Variants in RAB38 observed in about 807,000 individuals in gnomAD.
RAB38 encodes RAB38, member RAS oncogene family.
A neutral mutation model predicts 18.4 loss-of-function variants in RAB38; 15 were observed. That is an observed-to-expected ratio of 0.82 (90% CI 0.55 to 1.26). The LOEUF is 1.26. Among genes scored for constraint, RAB38 ranks in the 50% most tolerant of loss-of-function variants. The probability of loss-of-function intolerance (pLI) is 0.00; values close to 1 mark genes in which losing one functional copy is unlikely to be tolerated. For synonymous variants in RAB38, 101 were observed against 104.4 expected, an observed-to-expected ratio of 0.97 and a Z score of 0.20; for missense variants, 294 against 267.4, an observed-to-expected ratio of 1.10 and a Z score of -0.69.
the RAB38 span, among the ~76,000 whole-genome samples, chr11:87,962,508 C>T: frequency 6.6e-6 from 1 of 151,454 alleles, no homozygotes; most frequent in African/African-American, 2.4e-5. Flanking sequence ...GGGCAGGGGG[C>T]AGGGGGGAAG....
chr11:87,925,506 A>T, the RAB38 span, among the ~76,000 whole-genome samples: 2 of 152,048 alleles, frequency 1.3e-5, no homozygotes, highest in African/African-American at 4.8e-5. Context: ...TCTGCTCAAT[A>T]TTCCTAGCTT....
chr11:88,037,765 C>A, the RAB38 span, among the ~76,000 whole-genome samples: 1 of 152,020 alleles, frequency 6.6e-6, no homozygotes, highest in South Asian at 2.1e-4. Context: ...CAGTTCATAT[C>A]TTATTATTAA....
the RAB38 span, among the ~76,000 whole-genome samples, chr11:87,895,237 AT>A: frequency 1 from 151,687 of 151,724 alleles, 75,825 homozygotes; most frequent in Middle Eastern, 1. Flanking sequence ...TGCCCATATC[AT>A]TATGTGAGTC....
chr11:88,145,810 A>C (rs570811676), intron 2 of RAB38, among the ~76,000 whole-genome samples: 10 of 152,188 alleles, frequency 6.6e-5, no homozygotes, highest in Admixed American at 2.0e-4. Context: ...ACAAATTAAA[A>C]ATGAAGGTAT....
chr11:87,926,508 G>GTTTT, the RAB38 span, among the ~76,000 whole-genome samples: 6 of 131,210 alleles, frequency 4.6e-5, no homozygotes, highest in South Asian at 5.3e-4. Flanking sequence ...TCAAATGGTG[G>GTTTT]TTTTTTTGTT....
chr11:87,878,293 TCTATCTAC>T, the RAB38 span, among the ~76,000 whole-genome samples: 9 of 143,266 alleles, frequency 6.3e-5, no homozygotes, highest in Non-Finnish European at 1.2e-4. Flanking sequence ...TATCTATCTA[TCTATCTAC>T]CTATCATCTA....
the RAB38 span, among the ~76,000 whole-genome samples, chr11:87,832,590 C>T: frequency 1.3e-5 from 2 of 152,038 alleles, no homozygotes; most frequent in Non-Finnish European, 2.9e-5. Context: ...TCTCGCAGAA[C>T]TCTCTCCAGT....
chr11:88,027,793 G>T, the RAB38 span, among the ~76,000 whole-genome samples: 1 of 152,220 alleles, frequency 6.6e-6, no homozygotes, highest in Admixed American at 6.5e-5. Context: ...CCACCTCTGG[G>T]GGCAGGGAAC....
intron 2 of RAB38, 148 bp downstream of exon 2, chr11:88,149,527 C>T (rs1943035218): frequency 3.1e-6 from 3 of 956,484 alleles, no homozygotes; most frequent in African/African-American, 3.3e-5. Context: ...CTACTCATTG[C>T]ACTGAGATGA....
chr11:88,133,938 T>C (rs1323965518), intron 2 of RAB38, among the ~76,000 whole-genome samples: 1 of 152,232 alleles, frequency 6.6e-6, no homozygotes, highest in Non-Finnish European at 1.5e-5. Context: ...TTCATCTAAA[T>C]GTGGGAATGC....
the RAB38 span, among the ~76,000 whole-genome samples, chr11:87,965,910 G>A: frequency 7.2e-4 from 109 of 152,248 alleles, 1 homozygote; most frequent in South Asian, 1.2e-3. Context: ...TTTATAGAGG[G>A]AACTAAACAT....
At chr11:88,120,450 AG>A (rs1942615519) in intron 2 of RAB38, among the ~76,000 whole-genome samples, 1 of 152,206 alleles carries the variant, frequency 6.6e-6, no homozygotes, top group African/African-American at 2.4e-5. Context: ...CATGAAGAGA[AG>A]GCGTACATGG....
the RAB38 span, among the ~76,000 whole-genome samples, chr11:88,027,297 C>A: frequency 1.3e-5 from 2 of 152,126 alleles, no homozygotes; most frequent in African/African-American, 2.4e-5. Context: ...GTGAGCGACG[C>A]AGAAGACGGG....
the RAB38 span, among the ~76,000 whole-genome samples, chr11:88,033,260 G>A: frequency 1.3e-5 from 2 of 151,996 alleles, no homozygotes; most frequent in Admixed American, 1.3e-4. Context: ...ATAGCATTGG[G>A]AGATATACCT....
chr11:88,105,745 A>G, the RAB38 span, among the ~76,000 whole-genome samples: 1 of 152,066 alleles, frequency 6.6e-6, no homozygotes, highest in African/African-American at 2.4e-5. Context: ...ACACCTCTAG[A>G]CCTGTCACTT....
the RAB38 span, among the ~76,000 whole-genome samples, chr11:87,830,200 G>T: frequency 6.6e-6 from 1 of 152,076 alleles, no homozygotes; most frequent in Non-Finnish European, 1.5e-5. Context: ...CTAACAATCG[G>T]CCAGGTGAAG....
chr11:88,036,038 T>G, the RAB38 span, among the ~76,000 whole-genome samples: 1 of 152,326 alleles, frequency 6.6e-6, no homozygotes. Context: ...ATAGTTGTTC[T>G]TAGTTGTAAT....
At chr11:88,028,968 G>A in the RAB38 span, among the ~76,000 whole-genome samples, 2 of 152,104 alleles carry the variant, frequency 1.3e-5, no homozygotes, top group Non-Finnish European at 2.9e-5. Flanking sequence ...AATGTTAAGG[G>A]CAGCCAGAGA....
At chr11:87,897,091 G>C in the RAB38 span, among the ~76,000 whole-genome samples, 1 of 151,564 alleles carries the variant, frequency 6.6e-6, no homozygotes, top group African/African-American at 2.4e-5. Context: ...TGGGAAGTTA[G>C]GTACTTTTAA....
Sources: gnomAD v4.1 joint callset for allele counts (sites outside exome capture counted in the v4.1 genomes callset) on GRCh38, gnomAD v4.1.1 for gene constraint, MANE v1.5 for transcripts, NCBI Gene and HGNC (gene_info 2026-07-23, HGNC 2026-07-21) for gene names.